TRIM66: variants seen among roughly 807,000 people sequenced by gnomAD.
TRIM66 encodes tripartite motif-containing protein 66.
TRIM66 carries 99 observed loss-of-function variants against 148.2 expected under a neutral mutation model. That is an observed-to-expected ratio of 0.67 (90% CI 0.57 to 0.79). The LOEUF (loss-of-function observed/expected upper bound fraction) is 0.79, where lower values mean the gene tolerates loss of function less well. TRIM66 is among the 30% of genes least tolerant of loss of function. The pLI, the probability that TRIM66 is intolerant of heterozygous loss-of-function variation, is 0.00. For missense variants in TRIM66, 1,666 were observed against 1,697.9 expected (o/e 0.98, Z 0.33); for synonymous variants, 616 against 635.9 (o/e 0.97, Z 0.47).
chr11:8,674,736 T>G (rs563628725), intron 4 of TRIM66, 70 bp downstream of exon 4: 2 of 151,844 alleles, frequency 1.3e-5, no homozygotes, highest in South Asian at 4.2e-4. Context: ...ATGAGAAGAG[T>G]CACATTGTTT....
intron 6 of TRIM66, among the ~76,000 whole-genome samples, chr11:8,671,107 A>AAT (rs2038906759): frequency 6.6e-6 from 1 of 152,240 alleles, no homozygotes; most frequent in Admixed American, 6.5e-5. Flanking sequence ...TTGTGCTTCA[A>AAT]ATCACTTGGG....
intron 15 of TRIM66, among the ~76,000 whole-genome samples, chr11:8,626,973 C>A (rs2034910565): frequency 6.6e-6 from 1 of 152,222 alleles, no homozygotes. Context: ...CTGCCCTGTT[C>A]CACTTATCCT....
At chr11:8,645,593 T>A (rs1199238580) in intron 12 of TRIM66, 148 bp downstream of exon 12, 2 of 944,368 alleles carry the variant, frequency 2.1e-6, no homozygotes, top group East Asian at 2.7e-5. Flanking sequence ...GTGATTGAAT[T>A]TGAAGGATGG....
At chr11:8,649,266 G>A (rs754918860) in intron 8 of TRIM66, among the ~76,000 whole-genome samples, 1 of 152,160 alleles carries the variant, frequency 6.6e-6, no homozygotes, top group East Asian at 1.9e-4. Flanking sequence ...TTGAACCCAG[G>A]AGGTGGAGGT....
intron 3 of TRIM66, chr11:8,678,271 C>T (rs988058063): frequency 6.6e-6 from 1 of 151,666 alleles, no homozygotes; most frequent in African/African-American, 2.4e-5. Context: ...TTTAAAAAAA[C>T]AAAATACACA....
chr11:8,612,569 C>G lies in TRIM66; in HGVS notation c.*5375G>C, dbSNP rs1317946929. 6.6e-6 allele frequency: 1 copy of G among 152,238 alleles called. No individual in the cohort carries two copies. Among genetic ancestry groups the G allele is most frequent in the African/African-American group, 2.4e-5 (1 of 41,428 alleles). 9.4% of individuals were successfully genotyped at this position (152,238 alleles called of 1,614,324 possible). ...ATCTTTCTAGTATATACCTCCTTAC[C>G]TCCAAGAAAGCAACCAATAGCTGCC... On this transcript the variant is annotated 3_prime_UTR_variant, in exon 25 of 25. Coordinates refer to ENST00000646038, the MANE Select transcript of TRIM66 (RefSeq NM_001388022.1).
chr11:8,638,155 C>T (rs1205295408), intron 15 of TRIM66, among the ~76,000 whole-genome samples: 1 of 152,094 alleles, frequency 6.6e-6, no homozygotes, highest in Admixed American at 6.6e-5. Flanking sequence ...GTTGTGGAGG[C>T]CACAAAAAAT....
chr11:8,647,114 CAT>C (rs1441113915), intron 10 of TRIM66, among the ~76,000 whole-genome samples: 24 of 149,430 alleles, frequency 1.6e-4, no homozygotes, highest in African/African-American at 5.4e-4. Flanking sequence ...TTATTATAAA[CAT>C]ATAATAATGT....
At chr11:8,664,363 T>C (rs1318256216) in intron 6 of TRIM66, among the ~76,000 whole-genome samples, 2 of 152,166 alleles carry the variant, frequency 1.3e-5, no homozygotes, top group Non-Finnish European at 2.9e-5. Context: ...CCTCATCAGT[T>C]TGGTATTCTA....
intron 14 of TRIM66, among the ~76,000 whole-genome samples, chr11:8,639,648 A>G (rs142127634): frequency 9.2e-5 from 14 of 152,382 alleles, no homozygotes; most frequent in African/African-American, 3.4e-4. Context: ...CCTATAAAGC[A>G]GAGATGGTAA....
chr11:8,620,955 T>C, intron 20 of TRIM66, 77 bp downstream of exon 20: 1 of 1,488,450 alleles, frequency 6.7e-7, no homozygotes, highest in Non-Finnish European at 9.0e-7. Flanking sequence ...GGGAGCTCTG[T>C]GGGCCTGGCC....
intron 8 of TRIM66, among the ~76,000 whole-genome samples, chr11:8,649,083 A>T (rs533216306): frequency 1.3e-5 from 2 of 152,382 alleles, no homozygotes; most frequent in South Asian, 4.1e-4. Context: ...TCACGCCTGT[A>T]ATCGCAGCAC....
At chr11:8,673,328 A>G (rs1227511693) in intron 4 of TRIM66, among the ~76,000 whole-genome samples, 1 of 152,198 alleles carries the variant, frequency 6.6e-6, no homozygotes, top group Non-Finnish European at 1.5e-5. Context: ...CATTGTGATA[A>G]TAAAGTTTTA....
In TRIM66 at chr11:8,617,966, G is replaced by C; in HGVS notation, c.4157C>G (p.Ala1386Gly). ...CTCTCACACCTGAGAGATGCTGTTG[G>C]CCAGGCGAAATGACATTCTTTTTGC... ...ERAKRMSFRL[A>G]NSISQV is the part of the protein sequence containing the mutation. Residue 1386 changes from alanine to glycine, a missense_variant, in exon 25 of 25, where the codon GCC (alanine) becomes GGC (glycine). This residue lies in a region of TRIM66 where 204 missense variants were observed against 231.0 expected (regional missense o/e 0.88). Coordinates refer to ENST00000646038, the MANE Select transcript of TRIM66 (RefSeq NM_001388022.1). 1 of 1,551,666 alleles carries C rather than the reference G, an allele frequency of 6.4e-7. No individual in the cohort carries two copies. Among genetic ancestry groups the C allele is most frequent in the Non-Finnish European group, 8.7e-7 (1 of 1,146,994 alleles).
intron 15 of TRIM66, among the ~76,000 whole-genome samples, chr11:8,631,013 G>A (rs1261533378): frequency 6.6e-6 from 1 of 152,140 alleles, no homozygotes; most frequent in Admixed American, 6.5e-5. Context: ...AGAGTTCAGT[G>A]TGTTGACATT....
rs1207682645 is a variant in TRIM66, at chr11:8,613,214, C to T, written c.*4730G>A. 1 of 152,184 alleles carries T rather than the reference C, an allele frequency of 6.6e-6. No homozygotes were observed. The highest frequency in any genetic ancestry group is 6.5e-5 in the Admixed American group (1 of 15,282). 9.4% of individuals were successfully genotyped at this position (152,184 alleles called of 1,614,324 possible). ...AGACAGCCACAGACATTTCCCCCAT[C>T]TAGGTTTCAAGGACAGCTCAGCCTG... is the stretch of plus-strand genomic sequence containing the variant. On this transcript the variant is annotated 3_prime_UTR_variant, in exon 25 of 25. Transcript: ENST00000646038.
chr11:8,619,264 G>T, intron 23 of TRIM66, 119 bp downstream of exon 23: 2 of 1,209,636 alleles, frequency 1.7e-6, no homozygotes. Flanking sequence ...CAGGCCCCCA[G>T]AATCTGCTCC....
chr11:8,675,921 T>C (rs539588282), intron 3 of TRIM66, among the ~76,000 whole-genome samples: 2 of 152,210 alleles, frequency 1.3e-5, no homozygotes, highest in Admixed American at 1.3e-4. Flanking sequence ...GTATTTTTAG[T>C]AGAGACGGGG....
At chr11:8,672,874 G>A (rs1490446478) in intron 4 of TRIM66, among the ~76,000 whole-genome samples, 1 of 151,038 alleles carries the variant, frequency 6.6e-6, no homozygotes. Flanking sequence ...CAAGTGATCT[G>A]CCTGCCTTGG....
Sources: allele counts gnomAD v4.1 joint callset (sites outside exome capture counted in the v4.1 genomes callset), GRCh38; gene constraint gnomAD v4.1.1; regional missense constraint gnomAD v4.1.1; transcripts MANE v1.5; gene names NCBI Gene and HGNC (gene_info 2026-07-23, HGNC 2026-07-21).